Variants in TMTC1 observed in about 807,000 individuals in gnomAD.
The protein encoded by TMTC1 is protein O-mannosyl-transferase TMTC1.
Under a neutral mutation model 104.8 loss-of-function variants are expected in TMTC1, and 73 were observed. The ratio of observed to expected loss-of-function variants is 0.70; its 90% CI spans 0.58 to 0.85. TMTC1 has a LOEUF of 0.85. Ranked by LOEUF, TMTC1 falls within the 40% of genes least tolerant of loss-of-function variation. The pLI, the probability that TMTC1 is intolerant of heterozygous loss-of-function variation, is 0.00. For synonymous variants in TMTC1, 434 were observed against 428.7 expected, an observed-to-expected ratio of 1.01 and a Z score of -0.15; for missense variants, 1,035 against 1,096.1, an observed-to-expected ratio of 0.94 and a Z score of 0.79.
At position 29,761,018 on chromosome 12, in the gene TMTC1, A is replaced by T. The variant is rs1317685596; in HGVS notation, c.481-2241T>A. Among the ~76,000 whole-genome samples, 5 of 147,840 alleles carry T rather than the reference A, an allele frequency of 3.4e-5. No homozygotes were observed. The East Asian group carries it at 9.8e-4, about 29-fold the overall frequency. Reference sequence around the variant, plus strand: ...ATATAATATGCTCTATCTATAAATTATATGTAGTATATGTTATAAATTGTA... The same window carrying T: ...ATATAATATGCTCTATCTATAAATTTTATGTAGTATATGTTATAAATTGTA... On this transcript the variant is annotated intron_variant, in intron 2 of 17. Transcript: ENST00000539277.
At chr12:29,660,846 G>A in intron 5 of TMTC1, 2 of 1,502,572 alleles carry the variant, frequency 1.3e-6, no homozygotes, top group Non-Finnish European at 1.8e-6. Flanking sequence ...ATGGTCTCAT[G>A]GTAAGCAGGA....
At chr12:29,711,285 A>G (rs538415848) in intron 5 of TMTC1, among the ~76,000 whole-genome samples, 1 of 152,178 alleles carries the variant, frequency 6.6e-6, no homozygotes, top group African/African-American at 2.4e-5. Context: ...GGCTACAGTT[A>G]ATGTTTTTAA....
rs150630471 is a variant in TMTC1 at position 29,754,212 on chromosome 12, C to T, written c.731+1497G>A. The stretch of plus-strand genomic sequence containing the variant: ...AAAAAAAAAGACCCAGACTGAGCTG[C>T]GGGACTTGTATCAGCAGTATTAATC... On this transcript the variant is annotated intron_variant, in intron 4 of 17. Transcript: ENST00000539277. 5.7e-3 allele frequency among the ~76,000 whole-genome samples: 860 copies of T among 150,390 alleles called. 10 individuals carry two copies. The highest frequency in any genetic ancestry group is 0.019 in the African/African-American group (770 of 40,930).
chr12:29,637,888 T>C (rs924758709), intron 5 of TMTC1, among the ~76,000 whole-genome samples: 5 of 152,192 alleles, frequency 3.3e-5, no homozygotes, highest in Non-Finnish European at 4.4e-5. Flanking sequence ...ATAGGATCTT[T>C]CTTTTACTTT....
chr12:29,571,718 T>C (rs1028465260), intron 9 of TMTC1, among the ~76,000 whole-genome samples: 2 of 152,136 alleles, frequency 1.3e-5, no homozygotes, highest in Admixed American at 1.3e-4. Flanking sequence ...GGAAATAGTT[T>C]CAGGCATGGG....
chr12:29,582,932 T>C (rs149640136), intron 8 of TMTC1, among the ~76,000 whole-genome samples: 12 of 152,336 alleles, frequency 7.9e-5, no homozygotes, highest in African/African-American at 2.6e-4. Context: ...AAACACAGCA[T>C]CATGAATGGC....
intron 5 of TMTC1, among the ~76,000 whole-genome samples, chr12:29,647,054 A>G (rs1174359692): frequency 6.6e-6 from 1 of 152,092 alleles, no homozygotes; most frequent in African/African-American, 2.4e-5. Flanking sequence ...ACAGAATGTC[A>G]CTCTGTCACC....
rs1244487487 is a variant in TMTC1 at position 29,504,407 on chromosome 12, T to C, written c.*2439A>G. 6.6e-6 allele frequency: 1 copy of C among 152,174 alleles called. No homozygotes were observed. Among genetic ancestry groups the C allele is most frequent in the Non-Finnish European group, 1.5e-5 (1 of 68,042 alleles). The allele number at this position is 152,174 out of a possible 1,614,324, so 9.4% of individuals were successfully genotyped here. A position where few individuals can be genotyped will look rare whatever the true frequency, so the allele number is the denominator to read the frequency against. On this transcript the variant is annotated 3_prime_UTR_variant, in exon 18 of 18. Coordinates refer to ENST00000539277, the MANE Select transcript of TMTC1 (RefSeq NM_001193451.2). ...TTGAAAAATAGTATGTGATCTATTT[T>C]CTTATAGGCACTGTTTTTACTGTGA...
intron 8 of TMTC1, among the ~76,000 whole-genome samples, chr12:29,581,360 A>T (rs1302547744): frequency 1.3e-5 from 2 of 152,222 alleles, no homozygotes; most frequent in Non-Finnish European, 2.9e-5. Flanking sequence ...ATAGGCAAAG[A>T]TTTCTAGAAA....
intron 9 of TMTC1, 133 bp from the exon 10 acceptor site, chr12:29,557,133 T>C: frequency 9.8e-7 from 1 of 1,021,504 alleles, no homozygotes; most frequent in Non-Finnish European, 1.4e-6. Flanking sequence ...GAATGGTTTG[T>C]GTCCAATCTT....
chr12:29,553,175 A>T (rs1175344625), intron 10 of TMTC1, among the ~76,000 whole-genome samples: 2 of 152,222 alleles, frequency 1.3e-5, no homozygotes, highest in African/African-American at 4.8e-5. Flanking sequence ...TGGGTAATGG[A>T]AAGTGAACAG....
At chr12:29,767,112 G>T (rs1397518508) in intron 2 of TMTC1, among the ~76,000 whole-genome samples, 1 of 151,888 alleles carries the variant, frequency 6.6e-6, no homozygotes, top group Non-Finnish European at 1.5e-5. Flanking sequence ...ACTGCACCTG[G>T]CTAAGTTTTT....
At chr12:29,760,881 A>G (rs1943329948) in intron 2 of TMTC1, among the ~76,000 whole-genome samples, 1 of 148,532 alleles carries the variant, frequency 6.7e-6, no homozygotes, top group Non-Finnish European at 1.5e-5. Context: ...CTATATGTAT[A>G]ATGTATTACA....
At chr12:29,777,107 A>AT (rs5797341) in intron 1 of TMTC1, among the ~76,000 whole-genome samples, 59,416 of 151,374 alleles carry the variant, frequency 0.39, 12,221 homozygotes, top group Admixed American at 0.54. Flanking sequence ...CTCTCTTTTT[A>AT]TTTTTTTTAA....
rs180817472 is a variant in TMTC1 at position 29,616,037 on chromosome 12, G to A, written c.1129-11738C>T. On this transcript the variant is annotated intron_variant, in intron 6 of 17. Transcript: ENST00000539277. The stretch of plus-strand genomic sequence containing the variant: ...GGTTCCAAATTCAAATAAGTTTGAG[G>A]AATGCCATTCATGATACGCCCCTTT... 5.3e-5 allele frequency among the ~76,000 whole-genome samples: 8 copies of A among 152,272 alleles called. No individual in the cohort carries two copies. In the East Asian group the frequency reaches 1.5e-3, roughly 29 times the overall value.
intron 5 of TMTC1, among the ~76,000 whole-genome samples, chr12:29,635,597 A>G (rs1467975288): frequency 6.6e-6 from 1 of 152,230 alleles, no homozygotes; most frequent in Non-Finnish European, 1.5e-5. Flanking sequence ...CTGACTAATC[A>G]ACTTTAACAT....
intron 5 of TMTC1, among the ~76,000 whole-genome samples, chr12:29,646,111 T>A (rs911069248): frequency 1.3e-5 from 2 of 152,040 alleles, no homozygotes; most frequent in African/African-American, 4.8e-5. Context: ...TGAAAGGAAA[T>A]AAGGTGGGTG....
chr12:29,653,593 T>A (rs79058167), intron 5 of TMTC1, among the ~76,000 whole-genome samples: 7,322 of 151,972 alleles, frequency 0.048, 197 homozygotes, highest in Admixed American at 0.068. Flanking sequence ...AAGCATTTAC[T>A]ATTCAACTTC....
intron 5 of TMTC1, among the ~76,000 whole-genome samples, chr12:29,682,551 T>C (rs1046064338): frequency 3.4e-4 from 52 of 152,232 alleles, no homozygotes; most frequent in African/African-American, 1.2e-3. Flanking sequence ...ATCTGTATTA[T>C]GTAACACTTC....
Sources: gnomAD v4.1 joint callset for allele counts (sites outside exome capture counted in the v4.1 genomes callset) on GRCh38, gnomAD v4.1.1 for gene constraint, MANE v1.5 for transcripts, NCBI Gene and HGNC (gene_info 2026-07-23, HGNC 2026-07-21) for gene names.